The following IGF1 variants were observed in gnomAD, a reference collection of about 807,000 sequenced individuals.
The protein encoded by IGF1 is insulin-like growth factor 1.
Under a neutral mutation model 13.8 loss-of-function variants are expected in IGF1, and 4 were observed. The ratio of observed to expected loss-of-function variants is 0.29; its 90% CI spans 0.14 to 0.66. The LOEUF is 0.66. Among genes scored for constraint, IGF1 ranks in the 30% least tolerant of loss-of-function variants. The pLI is 0.78. For missense variants in IGF1, 124 were observed against 188.5 expected (o/e 0.66, Z 2.00); for synonymous variants, 76 against 72.6 (o/e 1.05, Z -0.23).
At chr12:102,451,119 A>G (rs1395557567) in intron 2 of IGF1, among the ~76,000 whole-genome samples, 1 of 152,252 alleles carries the variant, frequency 6.6e-6, no homozygotes, top group African/African-American at 2.4e-5. Flanking sequence ...TTTCATATAC[A>G]GAATTTCAAG....
At chr12:102,437,051 T>C (rs1877308514) in intron 2 of IGF1, among the ~76,000 whole-genome samples, 1 of 152,368 alleles carries the variant, frequency 6.6e-6, no homozygotes, top group South Asian at 2.1e-4. Context: ...AATGATTCTC[T>C]TTCTAGTCAC....
chr12:102,456,822 G>A (rs182114098), intron 2 of IGF1, among the ~76,000 whole-genome samples: 1 of 152,158 alleles, frequency 6.6e-6, no homozygotes, highest in Non-Finnish European at 1.5e-5. Flanking sequence ...ACGTTCCAAA[G>A]GAAGGGGCAT....
intron 2 of IGF1, among the ~76,000 whole-genome samples, chr12:102,435,700 T>G (rs1877167031): frequency 6.6e-6 from 1 of 152,196 alleles, no homozygotes; most frequent in Non-Finnish European, 1.5e-5. Context: ...AGGATGAAAT[T>G]CAGGCCCATA....
chr12:102,474,751 A>G (rs1880906573), intron 2 of IGF1, among the ~76,000 whole-genome samples: 2 of 152,246 alleles, frequency 1.3e-5, no homozygotes, highest in African/African-American at 2.4e-5. Flanking sequence ...CTGGCTTTAA[A>G]TCTTTCTCTG....
At chr12:102,434,618 A>C (rs1877059217) in intron 2 of IGF1, among the ~76,000 whole-genome samples, 1 of 151,740 alleles carries the variant, frequency 6.6e-6, no homozygotes, top group African/African-American at 2.4e-5. Flanking sequence ...ATACGTGTGC[A>C]TGTGTCTTTA....
At chr12:102,455,852 A>T (rs1879340513) in intron 2 of IGF1, among the ~76,000 whole-genome samples, 1 of 152,172 alleles carries the variant, frequency 6.6e-6, no homozygotes, top group African/African-American at 2.4e-5. Context: ...GGAAGAGACA[A>T]GTCATGAACA....
At chr12:102,468,217 T>A (rs1318715843) in intron 2 of IGF1, among the ~76,000 whole-genome samples, 1 of 152,222 alleles carries the variant, frequency 6.6e-6, no homozygotes, top group Non-Finnish European at 1.5e-5. Context: ...AGATTTTAAT[T>A]TAAAAGAGGC....
At chr12:102,431,497 G>A (rs920159555) in intron 2 of IGF1, among the ~76,000 whole-genome samples, 3 of 152,118 alleles carry the variant, frequency 2.0e-5, no homozygotes, top group South Asian at 2.1e-4. Flanking sequence ...CACATGTGCA[G>A]TATCTACATG....
At chr12:102,481,349 GT>G (rs1881382991), upstream of IGF1, among the ~76,000 whole-genome samples, 1 of 12,934 alleles carries the variant, frequency 7.7e-5, no homozygotes, top group Non-Finnish European at 2.3e-4. Context: ...ACTCAAACCT[GT>G]GTGTGTGTGT....
At chr12:102,429,272 C>T (rs951982615) in intron 2 of IGF1, among the ~76,000 whole-genome samples, 1 of 151,976 alleles carries the variant, frequency 6.6e-6, no homozygotes, top group East Asian at 1.9e-4. Context: ...TTATTTCTTT[C>T]CCTTTTATTC....
At position 102,401,422 on chromosome 12, in the gene IGF1, T is replaced by A. The variant is rs1355520485; in HGVS notation, c.*1085A>T. 4.6e-5 allele frequency: 7 copies of A among 152,670 alleles called. No individual in the cohort carries two copies. The highest frequency in any genetic ancestry group is 4.6e-4 in the Admixed American group (7 of 15,272). 9.5% of individuals were successfully genotyped at this position (152,670 alleles called of 1,614,324 possible). Reference sequence around the variant, plus strand: ...CAGTCCAATTTGCATCAGTGGACTTTTGTGTCTGAAGTTCCTCTTGGAAGG... The same window carrying A: ...CAGTCCAATTTGCATCAGTGGACTTATGTGTCTGAAGTTCCTCTTGGAAGG... On this transcript the variant is annotated 3_prime_UTR_variant, in exon 4 of 4. Transcript: ENST00000337514.
chr12:102,480,525 C>T lies in IGF1; in HGVS notation c.-144G>A, dbSNP rs1436114296. 1.3e-6 allele frequency: 2 copies of T among 1,511,704 alleles called. No individual in the cohort carries two copies. Among genetic ancestry groups the T allele is most frequent in the Non-Finnish European group, 1.8e-6 (2 of 1,130,914 alleles). 93.6% of individuals were successfully genotyped at this position (1,511,704 alleles called of 1,614,324 possible). On this transcript the variant is annotated 5_prime_UTR_variant, in exon 1 of 4. Coordinates refer to ENST00000337514, the MANE Select transcript of IGF1 (RefSeq NM_000618.5). ...TTCCATTGCGCAGGCTCTATCTGCTCTGAATTTAGCAGTGACAGTGAGATT... is the reference window on the plus strand; with the variant it reads ...TTCCATTGCGCAGGCTCTATCTGCTTTGAATTTAGCAGTGACAGTGAGATT...
At chr12:102,471,038 A>G (rs1216223830) in intron 2 of IGF1, among the ~76,000 whole-genome samples, 2 of 152,222 alleles carry the variant, frequency 1.3e-5, no homozygotes, top group African/African-American at 4.8e-5. Flanking sequence ...CTTAGTCCAA[A>G]AGACCTGCAT....
intron 2 of IGF1, among the ~76,000 whole-genome samples, chr12:102,452,106 C>CA (rs1302844882): frequency 2.0e-5 from 3 of 151,388 alleles, no homozygotes; most frequent in Admixed American, 6.6e-5. Context: ...ACTAAAAATA[C>CA]AAAAAATTAG....
intron 3 of IGF1, among the ~76,000 whole-genome samples, chr12:102,417,187 C>T (rs567480645): frequency 1.4e-5 from 2 of 147,932 alleles, no homozygotes; most frequent in South Asian, 4.4e-4. Flanking sequence ...ACTTATACAT[C>T]TTTTATATCT....
Position 102,400,131 on chromosome 12 carries a change from C to CTTTTTT in IGF1, c.*2370_*2375dup, listed in dbSNP as rs35306040. On this transcript the variant is annotated 3_prime_UTR_variant, in exon 4 of 4. Coordinates refer to ENST00000337514, the MANE Select transcript of IGF1 (RefSeq NM_000618.5). ...GCATATATTCAGAGATCCAGGGAGT[C>CTTTTTT]TTTTTTTTTTTTTTCCTGGCCTCTG... 6.9e-6 allele frequency: 1 copy of CTTTTTT among 144,918 alleles called. No homozygotes were observed. The highest frequency in any genetic ancestry group is 1.5e-5 in the Non-Finnish European group (1 of 66,428). The allele number at this position is 144,918 out of a possible 1,614,324, so 9.0% of individuals were successfully genotyped here.
chr12:102,475,290 A>G (rs1880945511), intron 2 of IGF1, among the ~76,000 whole-genome samples: 1 of 152,130 alleles, frequency 6.6e-6, no homozygotes, highest in Admixed American at 6.5e-5. Context: ...ATATGTTTAT[A>G]TGTGCGCCCA....
chr12:102,402,227 G>GAT lies in IGF1; in HGVS notation c.*278_*279dup, dbSNP rs201878788. ...GTGGCTCTTGAGAGGCAGGGACTAAGATATATATATATATATATTTTTTTT... is the reference window on the plus strand; with the variant it reads ...GTGGCTCTTGAGAGGCAGGGACTAAGATATATATATATATATATATTTTTTTT... On this transcript the variant is annotated 3_prime_UTR_variant, in exon 4 of 4. Coordinates refer to ENST00000337514, the MANE Select transcript of IGF1 (RefSeq NM_000618.5). 2,310 of 198,790 alleles carry GAT rather than the reference G, an allele frequency of 0.012. 31 individuals are homozygous for GAT. The highest frequency in any genetic ancestry group is 0.036 in the African/African-American group (1,460 of 41,070). 12.3% of individuals were successfully genotyped at this position (198,790 alleles called of 1,614,324 possible).
rs1444900609 is a variant in IGF1, at chr12:102,441,909, T to TG, written c.221-22220_221-22219insC. Among the ~76,000 whole-genome samples, 46 of 19,736 alleles carry TG rather than the reference T, an allele frequency of 2.3e-3. 2 individuals are homozygous for TG. Among genetic ancestry groups the TG allele is most frequent in the Admixed American group, 0.018 (31 of 1,690 alleles). The allele number at this position is 19,736 out of a possible 152,430, so 12.9% of individuals were successfully genotyped here. A position where few individuals can be genotyped will look rare whatever the true frequency, so the allele number is the denominator to read the frequency against. On this transcript the variant is annotated intron_variant, in intron 2 of 3. Transcript: ENST00000337514. Reference sequence around the variant, plus strand: ...CACTAAGTCATTCTATTACACTGCTTCTTCTCCTTCTTCTTCTTCTTCTTC... The same window carrying TG: ...CACTAAGTCATTCTATTACACTGCTTGCTTCTCCTTCTTCTTCTTCTTCTTC...
Sources: allele counts gnomAD v4.1 joint callset (sites outside exome capture counted in the v4.1 genomes callset), GRCh38; gene constraint gnomAD v4.1.1; transcripts MANE v1.5; gene names NCBI Gene and HGNC (gene_info 2026-07-23, HGNC 2026-07-21).